Variants in SCCPDH observed in about 807,000 individuals in gnomAD.
SCCPDH encodes saccharopine dehydrogenase-like oxidoreductase.
Under a neutral mutation model 51.5 loss-of-function variants are expected in SCCPDH, and 34 were observed. The observed-to-expected ratio is 0.66, with a 90% CI of 0.50 to 0.88. The LOEUF is 0.88. Among genes scored for constraint, SCCPDH ranks in the 40% least tolerant of loss-of-function variants. SCCPDH has a pLI of 0.00. For missense variants in SCCPDH, 464 were observed against 527.1 expected (o/e 0.88, Z 1.17); for synonymous variants, 187 against 191.3 (o/e 0.98, Z 0.19).
intron 2 of SCCPDH, among the ~76,000 whole-genome samples, chr1:246,734,057 C>G (rs2102981455): frequency 6.6e-6 from 1 of 152,220 alleles, no homozygotes; most frequent in East Asian, 1.9e-4. Flanking sequence ...ACCTGTGAGG[C>G]TTATTTACAA....
chr1:246,751,646 G>A (rs1289638783), intron 5 of SCCPDH, among the ~76,000 whole-genome samples: 1 of 151,946 alleles, frequency 6.6e-6, no homozygotes, highest in Admixed American at 6.6e-5. Flanking sequence ...CATTTTTCAC[G>A]ACTTTCACAG....
At chr1:246,736,428 A>G (rs749457914) in intron 3 of SCCPDH, among the ~76,000 whole-genome samples, 18 of 152,324 alleles carry the variant, frequency 1.2e-4, no homozygotes, top group South Asian at 4.1e-4. Flanking sequence ...TAGGCCGGGC[A>G]CGGTGGCTCA....
chr1:246,740,387 G>A, intron 4 of SCCPDH, 86 bp downstream of exon 4: 1 of 1,207,420 alleles, frequency 8.3e-7, no homozygotes, highest in Non-Finnish European at 1.1e-6. Flanking sequence ...CTAAAATCTA[G>A]TTGAAAAAAG....
At chr1:246,754,333 C>T (rs1668898441) in intron 5 of SCCPDH, among the ~76,000 whole-genome samples, 2 of 152,168 alleles carry the variant, frequency 1.3e-5, no homozygotes, top group Admixed American at 1.3e-4. Context: ...ATTCCTTACC[C>T]CTGAGGCCAC....
intron 4 of SCCPDH, among the ~76,000 whole-genome samples, chr1:246,743,433 A>G (rs1272569823): frequency 1.3e-5 from 2 of 151,356 alleles, no homozygotes; most frequent in Non-Finnish European, 2.9e-5. Flanking sequence ...AAATACAAAA[A>G]TTAGCCGGGC....
At chr1:246,765,636 A>T (rs935234659) in intron 10 of SCCPDH, among the ~76,000 whole-genome samples, 2 of 152,174 alleles carry the variant, frequency 1.3e-5, no homozygotes, top group African/African-American at 4.8e-5. Flanking sequence ...GGATCGGCTC[A>T]GTGTACAATA....
intron 5 of SCCPDH, among the ~76,000 whole-genome samples, chr1:246,752,576 A>C (rs757766234): frequency 6.6e-6 from 1 of 152,196 alleles, no homozygotes; most frequent in Non-Finnish European, 1.5e-5. Flanking sequence ...TTAAAGGAAT[A>C]GGGTATTGCT....
chr1:246,753,013 T>C (rs1418814807), intron 5 of SCCPDH, among the ~76,000 whole-genome samples: 1 of 151,804 alleles, frequency 6.6e-6, no homozygotes, highest in East Asian at 1.9e-4. Flanking sequence ...TTCTCTCTCT[T>C]TGCCTCTCTG....
chr1:246,750,453 G>A (rs1310311871), intron 5 of SCCPDH, among the ~76,000 whole-genome samples: 1 of 152,168 alleles, frequency 6.6e-6, no homozygotes, highest in African/African-American at 2.4e-5. Flanking sequence ...AGGGCAATGG[G>A]ATGGCAGCTA....
Position 246,746,638 on chromosome 1 carries a change from T to G in SCCPDH, c.564+2513T>G, listed in dbSNP as rs549000579. ...GATGGATCACTTGAGGTCAGGAGTT[T>G]GAGACCAGCCTGGCCAATATGGTGA... On this transcript the variant is annotated intron_variant, in intron 5 of 11. Transcript: ENST00000366510. 1.6e-3 allele frequency among the ~76,000 whole-genome samples: 239 copies of G among 152,144 alleles called. 1 individual carries two copies. Among genetic ancestry groups the G allele is most frequent in the Non-Finnish European group, 2.8e-3 (190 of 67,976 alleles).
At chr1:246,764,839 C>T (rs1438415968) in intron 10 of SCCPDH, among the ~76,000 whole-genome samples, 3 of 152,228 alleles carry the variant, frequency 2.0e-5, no homozygotes, top group Non-Finnish European at 2.9e-5. Flanking sequence ...TTTTGCTGTA[C>T]ATTTTACAGA....
At chr1:246,732,234 G>A (rs1011644794) in intron 2 of SCCPDH, among the ~76,000 whole-genome samples, 1 of 152,150 alleles carries the variant, frequency 6.6e-6, no homozygotes, top group Non-Finnish European at 1.5e-5. Flanking sequence ...AGTATAACCA[G>A]TTAGGGCCTA....
intron 5 of SCCPDH, among the ~76,000 whole-genome samples, chr1:246,746,063 G>C (rs1263067373): frequency 4.4e-5 from 6 of 135,472 alleles, no homozygotes; most frequent in Non-Finnish European, 7.5e-5. Context: ...AGCCAAGATC[G>C]CACCGCTGCA....
In SCCPDH at chr1:246,766,093, C is replaced by T; in HGVS notation, c.1138C>T (p.Gln380Ter). The T allele has an allele frequency of 6.2e-7, 1 of 1,613,574 alleles. No individual in the cohort carries two copies. Among genetic ancestry groups the T allele is most frequent in the Non-Finnish European group, 8.5e-7 (1 of 1,179,732 alleles). ...GYVATPIAMV[Q>*]AAMTLLSDAS... The stretch of plus-strand genomic sequence containing the variant: ...TGTGGCTACCCCCATAGCTATGGTT[C>T]AGGCAGCCATGACTCTTCTAAGTGA... Residue 380 changes from glutamine to a stop codon, truncating the protein, a stop_gained, in exon 11 of 12, where the codon CAG (glutamine) becomes TAG (stop). Transcript: ENST00000366510. LOFTEE classifies it high-confidence loss of function.
At chr1:246,726,520 G>T (rs977788919) in intron 1 of SCCPDH, among the ~76,000 whole-genome samples, 1 of 152,068 alleles carries the variant, frequency 6.6e-6, no homozygotes, top group African/African-American at 2.4e-5. Context: ...CACTGCCCCT[G>T]GCCAAGAAAC....
chr1:246,753,630 G>T (rs1046775314), intron 5 of SCCPDH, among the ~76,000 whole-genome samples: 2 of 152,032 alleles, frequency 1.3e-5, no homozygotes, highest in Admixed American at 1.3e-4. Context: ...GGTTTTGGGC[G>T]GGAAATTTTT....
At chr1:246,762,952 G>T (rs1358772155) in intron 9 of SCCPDH, among the ~76,000 whole-genome samples, 1 of 151,718 alleles carries the variant, frequency 6.6e-6, no homozygotes, top group African/African-American at 2.4e-5. Context: ...GGGCCTGAAA[G>T]CATAGAGCAG....
At position 246,749,257 on chromosome 1, in the gene SCCPDH, G is replaced by A. The variant is rs774417184; in HGVS notation, c.564+5132G>A. Among the ~76,000 whole-genome samples the A allele has an allele frequency of 7.2e-5, 11 of 152,332 alleles. No individual in the cohort carries two copies. The East Asian group carries it at 7.7e-4, about 11-fold the overall frequency. On this transcript the variant is annotated intron_variant, in intron 5 of 11. Coordinates refer to ENST00000366510, the MANE Select transcript of SCCPDH (RefSeq NM_016002.3). ...AGCATAACCGTCGCTTTTGTTTAGC[G>A]TGCAAACAGAATATTTTATCCATTC...
Position 246,724,564 on chromosome 1 carries a change from TC to T in SCCPDH, c.145del (p.Arg49GlyfsTer13). On this transcript the variant is annotated frameshift_variant, in exon 1 of 12. Coordinates refer to ENST00000366510, the MANE Select transcript of SCCPDH (RefSeq NM_016002.3). LOFTEE classifies it high-confidence loss of function. ...SRLPWAVAGR[S>X]REKLQRVLEK... ...CCTGCCCTGGGCCGTGGCGGGCCGC[TC>T]CCGGGAGAAGCTGCAGCGGGTGCTG... is the stretch of plus-strand genomic sequence containing the variant. 6.5e-7 allele frequency: 1 copy of T among 1,535,786 alleles called. No individual in the cohort carries two copies. Among genetic ancestry groups the T allele is most frequent in the Non-Finnish European group, 8.7e-7 (1 of 1,143,878 alleles).
Sources: allele counts gnomAD v4.1 joint callset (sites outside exome capture counted in the v4.1 genomes callset), GRCh38; gene constraint gnomAD v4.1.1; transcripts MANE v1.5; gene names NCBI Gene and HGNC (gene_info 2026-07-23, HGNC 2026-07-21).